Variants in PLCL2 observed in about 807,000 individuals in gnomAD.
The protein encoded by PLCL2 is phospholipase C like 2, also known as inactive phospholipase C-like protein 2.
In PLCL2, 4 loss-of-function variants were observed where a neutral mutation model predicts 79.6. That is an observed-to-expected ratio of 0.05 (90% CI 0.02 to 0.11). The LOEUF (loss-of-function observed/expected upper bound fraction) is 0.11, where lower values mean the gene tolerates loss of function less well. PLCL2 is among the 10% of genes least tolerant of loss of function. PLCL2 has a pLI of 1.00. For missense variants in PLCL2, 895 were observed against 1,291.0 expected, an observed-to-expected ratio of 0.69 and a Z score of 4.70; for synonymous variants, 484 against 457.7, an observed-to-expected ratio of 1.06 and a Z score of -0.73.
intron 1 of PLCL2, among the ~76,000 whole-genome samples, chr3:16,988,825 A>C (rs2064076463): frequency 6.6e-6 from 1 of 152,166 alleles, no homozygotes; most frequent in Non-Finnish European, 1.5e-5. Context: ...AAAGGTATTC[A>C]TCATTTTCAT....
intron 1 of PLCL2, among the ~76,000 whole-genome samples, chr3:16,942,673 T>G (rs1416298358): frequency 3.3e-5 from 5 of 152,242 alleles, no homozygotes; most frequent in Non-Finnish European, 1.5e-5. Context: ...TTAATACTTT[T>G]ATTGCTTTCT....
At chr3:16,966,074 G>C (rs1267539656) in intron 1 of PLCL2, among the ~76,000 whole-genome samples, 1 of 151,852 alleles carries the variant, frequency 6.6e-6, no homozygotes, top group Admixed American at 6.6e-5. Context: ...AGTGGTGAGA[G>C]AGGGCATCCC....
chr3:17,080,976 A>G (rs1016645677), intron 5 of PLCL2, among the ~76,000 whole-genome samples: 46 of 152,240 alleles, frequency 3.0e-4, no homozygotes, highest in African/African-American at 9.6e-4. Flanking sequence ...TTTATCCAAC[A>G]GGAAAATAAA....
intron 1 of PLCL2, among the ~76,000 whole-genome samples, chr3:16,958,450 A>G (rs1469961522): frequency 6.6e-6 from 1 of 152,068 alleles, no homozygotes; most frequent in Non-Finnish European, 1.5e-5. Context: ...CATTCAAAAT[A>G]AGACTGTAAT....
intron 4 of PLCL2, among the ~76,000 whole-genome samples, chr3:17,057,127 C>G (rs1353570296): frequency 6.6e-6 from 1 of 151,960 alleles, no homozygotes; most frequent in East Asian, 1.9e-4. Flanking sequence ...TTTTTTAAGC[C>G]AACATTTACT....
At chr3:16,954,673 T>C (rs1017682650) in intron 1 of PLCL2, among the ~76,000 whole-genome samples, 4 of 152,130 alleles carry the variant, frequency 2.6e-5, no homozygotes, top group African/African-American at 9.7e-5. Flanking sequence ...TTTCTCCACA[T>C]CCTCTCCAGC....
At chr3:16,890,699 G>A (rs1696326167) in intron 1 of PLCL2, among the ~76,000 whole-genome samples, 1 of 152,098 alleles carries the variant, frequency 6.6e-6, no homozygotes, top group Admixed American at 6.5e-5. Flanking sequence ...TTTACCAGTG[G>A]ACCACAGGAT....
intron 5 of PLCL2, chr3:17,081,502 T>A: frequency 3.7e-6 from 1 of 272,116 alleles, no homozygotes; most frequent in South Asian, 3.7e-5. Context: ...GAATCCCTGT[T>A]GTTTTGCCCC....
At chr3:16,901,950 A>G (rs1170636398) in intron 1 of PLCL2, among the ~76,000 whole-genome samples, 3 of 152,110 alleles carry the variant, frequency 2.0e-5, no homozygotes, top group African/African-American at 4.8e-5. Context: ...CTCTCATTCC[A>G]TGCCTCATTC....
At chr3:17,032,048 A>G (rs1023593139) in intron 3 of PLCL2, among the ~76,000 whole-genome samples, 1 of 151,982 alleles carries the variant, frequency 6.6e-6, no homozygotes, top group Non-Finnish European at 1.5e-5. Flanking sequence ...TCGTGAAATA[A>G]GATTAAATAA....
chr3:16,962,660 G>A (rs1320140854), intron 1 of PLCL2, among the ~76,000 whole-genome samples: 1 of 152,138 alleles, frequency 6.6e-6, no homozygotes, highest in African/African-American at 2.4e-5. Flanking sequence ...ATTCAAATCA[G>A]AGGGGAGCAA....
rs879575666 is a variant in PLCL2 at position 17,021,621 on chromosome 3, CA to C, written c.3018+6711del. Among the ~76,000 whole-genome samples the C allele has an allele frequency of 9.6e-3, 1,455 of 151,914 alleles. 25 individuals are homozygous for C. The highest frequency in any genetic ancestry group is 0.033 in the African/African-American group (1,376 of 41,360). On this transcript the variant is annotated intron_variant, in intron 3 of 5. Transcript: ENST00000615277. The stretch of plus-strand genomic sequence containing the variant: ...ACACACACACACACACACACACACA[CA>C]CACACACACCCCAGATACTAAGCAA...
At chr3:16,908,919 G>A (rs892995748) in intron 1 of PLCL2, among the ~76,000 whole-genome samples, 4 of 152,122 alleles carry the variant, frequency 2.6e-5, no homozygotes, top group African/African-American at 9.7e-5. Context: ...GAAAATTATG[G>A]TAGTATGTGA....
chr3:16,951,022 A>G (rs941949349), intron 1 of PLCL2, among the ~76,000 whole-genome samples: 1 of 152,132 alleles, frequency 6.6e-6, no homozygotes, highest in African/African-American at 2.4e-5. Context: ...AATACACATG[A>G]CAGCCTCTCT....
chr3:17,061,796 G>T (rs962736663), intron 4 of PLCL2, among the ~76,000 whole-genome samples: 7 of 152,124 alleles, frequency 4.6e-5, no homozygotes, highest in Admixed American at 1.3e-4. Flanking sequence ...GATTTGGGCA[G>T]TCCTCACCAT....
At chr3:17,089,272 G>A (rs13069447) in intron 5 of PLCL2, among the ~76,000 whole-genome samples, 1,792 of 152,252 alleles carry the variant, frequency 0.012, 12 homozygotes, top group Middle Eastern at 0.031. Flanking sequence ...TTGTGCTATA[G>A]TTATGTGAGA....
intron 1 of PLCL2, among the ~76,000 whole-genome samples, chr3:17,007,346 A>C (rs142994744): frequency 2.9e-4 from 44 of 152,310 alleles, no homozygotes; most frequent in African/African-American, 1.0e-3. Context: ...CATTTGTTTC[A>C]TGTCCTTATG....
intron 3 of PLCL2, among the ~76,000 whole-genome samples, chr3:17,031,934 T>C (rs1403349421): frequency 2.0e-5 from 3 of 150,020 alleles, no homozygotes; most frequent in Non-Finnish European, 4.5e-5. Flanking sequence ...TTCACCTTTT[T>C]TTTTTTTTTT....
intron 1 of PLCL2, among the ~76,000 whole-genome samples, chr3:17,006,771 A>C (rs1398555587): frequency 6.6e-6 from 1 of 152,214 alleles, no homozygotes; most frequent in Non-Finnish European, 1.5e-5. Context: ...AAAGCATGGC[A>C]ATGTTCTTAA....
Sources: allele counts gnomAD v4.1 joint callset (sites outside exome capture counted in the v4.1 genomes callset), GRCh38; gene constraint gnomAD v4.1.1; transcripts MANE v1.5; gene names NCBI Gene and HGNC (gene_info 2026-07-23, HGNC 2026-07-21).